The following TLE4 variants were observed in gnomAD, a reference collection of about 807,000 sequenced individuals.
TLE4 encodes the protein transducin-like enhancer protein 4.
Under a neutral mutation model 92.8 loss-of-function variants are expected in TLE4, and 8 were observed. The observed-to-expected ratio is 0.09, with a 90% confidence interval of 0.05 to 0.16. The LOEUF (loss-of-function observed/expected upper bound fraction) is 0.16, where lower values mean the gene tolerates loss of function less well. Among genes scored for constraint, TLE4 ranks in the 10% least tolerant of loss-of-function variants. The probability of loss-of-function intolerance (pLI) is 1.00; values close to 1 mark genes in which losing one functional copy is unlikely to be tolerated. For synonymous variants in TLE4, 371 were observed against 374.1 expected (o/e 0.99, Z 0.10); for missense variants, 675 against 997.6 (o/e 0.68, Z 4.36).
intron 8 of TLE4, among the ~76,000 whole-genome samples, chr9:79,675,703 T>G (rs1448319853): frequency 6.6e-6 from 1 of 152,146 alleles, no homozygotes; most frequent in African/African-American, 2.4e-5. Flanking sequence ...ACTGCCACTG[T>G]GGTTGGTCAT....
rs540095003 is a variant in TLE4, at chr9:79,573,308, C to A, written c.46-381C>A. ...GGGTGGCGGCCGCCTCCCTCCTCCC[C>A]CGGCCTGACCGCAGCCCGACGCCAT... On this transcript the variant is annotated intron_variant, in intron 1 of 19. Transcript: ENST00000376552. The A allele has an allele frequency of 2.8e-4, 290 of 1,042,986 alleles. No individual in the cohort carries two copies. In the African/African-American group the frequency reaches 4.8e-3, roughly 17 times the overall value. 64.6% of individuals were successfully genotyped at this position (1,042,986 alleles called of 1,614,324 possible).
chr9:79,615,415 G>A (rs537882901), intron 5 of TLE4, among the ~76,000 whole-genome samples: 3 of 152,104 alleles, frequency 2.0e-5, no homozygotes, highest in Non-Finnish European at 2.9e-5. Context: ...TTAAATGATC[G>A]TATTTAGGAA....
Position 79,718,866 on chromosome 9 carries a change from C to T in TLE4, c.1485C>T (p.Ile495=), listed in dbSNP as rs752587350. The T allele has an allele frequency of 6.2e-7, 1 of 1,614,126 alleles. No homozygotes were observed. Among genetic ancestry groups the T allele is most frequent in the East Asian group, 2.2e-5 (1 of 44,858 alleles). Residue 495 remains isoleucine (I), a synonymous_variant, in exon 15 of 20, where the codon ATC becomes ATT. Transcript: ENST00000376552. Reference sequence around the variant, plus strand: ...GGGAGGTGGTGTGCGCGGTGACCATCAGCAACCCCACGAGACACGTGTACA... The same window carrying T: ...GGGAGGTGGTGTGCGCGGTGACCATTAGCAACCCCACGAGACACGTGTACA... ...NHGEVVCAVT[I]SNPTRHVYTG...
chr9:79,656,954 ATC>A (rs2059870192), intron 8 of TLE4, among the ~76,000 whole-genome samples: 3 of 151,818 alleles, frequency 2.0e-5, no homozygotes. Flanking sequence ...GGCTTTATTG[ATC>A]TCTTTTTCTA....
At chr9:79,712,556 A>G (rs955395113) in intron 14 of TLE4, among the ~76,000 whole-genome samples, 9 of 152,256 alleles carry the variant, frequency 5.9e-5, no homozygotes, top group African/African-American at 2.2e-4. Context: ...AGAAAGACTT[A>G]TAAAAGTTAT....
rs186341237 is a variant in TLE4 at position 79,591,780 on chromosome 9, T to G, written c.252+15603T>G. ...CATTGATGTCTGCAGAGGGACAGAGTCATGGTACCATTCATTGATAGAAAA... is the reference window on the plus strand; with the variant it reads ...CATTGATGTCTGCAGAGGGACAGAGGCATGGTACCATTCATTGATAGAAAA... On this transcript the variant is annotated intron_variant, in intron 4 of 19. Transcript: ENST00000376552. 6.1e-4 allele frequency among the ~76,000 whole-genome samples: 93 copies of G among 151,828 alleles called. No individual in the cohort carries two copies. The Middle Eastern group carries it at 0.014, about 22-fold the overall frequency.
chr9:79,662,825 ATG>A (rs1330120141), intron 8 of TLE4, among the ~76,000 whole-genome samples: 2 of 152,190 alleles, frequency 1.3e-5, no homozygotes, highest in Non-Finnish European at 2.9e-5. Context: ...TTCCCAGGAA[ATG>A]ATTGTCTCCG....
At chr9:79,716,574 C>T (rs569751916) in intron 14 of TLE4, among the ~76,000 whole-genome samples, 3 of 152,280 alleles carry the variant, frequency 2.0e-5, no homozygotes, top group African/African-American at 4.8e-5. Context: ...CTGGAACATA[C>T]GAGGCATTTA....
At chr9:79,701,066 T>C (rs1433647777) in intron 8 of TLE4, among the ~76,000 whole-genome samples, 1 of 152,176 alleles carries the variant, frequency 6.6e-6, no homozygotes, top group Non-Finnish European at 1.5e-5. Flanking sequence ...TTATCGGTAT[T>C]TATTTAATTC....
At position 79,633,841 on chromosome 9, in the gene TLE4, G is replaced by A. The variant is rs530794072; in HGVS notation, c.390+6393G>A. Among the ~76,000 whole-genome samples, 5 of 152,252 alleles carry A rather than the reference G, an allele frequency of 3.3e-5. No homozygotes were observed. The East Asian group carries it at 7.7e-4, about 24-fold the overall frequency. ...TTGTACCCCTCGAAGCTGAGAGGGA[G>A]GGAAGAAGCATGGGCTATAAGAGAC... On this transcript the variant is annotated intron_variant, in intron 6 of 19. Coordinates refer to ENST00000376552, the MANE Select transcript of TLE4 (RefSeq NM_007005.6).
chr9:79,589,801 G>A (rs531494135), intron 4 of TLE4, among the ~76,000 whole-genome samples: 7 of 152,248 alleles, frequency 4.6e-5, no homozygotes, highest in African/African-American at 1.2e-4. Flanking sequence ...TCAACGTGAC[G>A]TTTCTGGCCT....
At position 79,720,391 on chromosome 9, in the gene TLE4, T is replaced by G. The variant is rs919410911; in HGVS notation, c.1838+98T>G. ...ATATAGGTATGGGTGTGTGTGTGTGTGTGTGTGTGTGTGTGTGTGTGTGTG... is the reference window on the plus strand; with the variant it reads ...ATATAGGTATGGGTGTGTGTGTGTGGGTGTGTGTGTGTGTGTGTGTGTGTG... On this transcript the variant is annotated intron_variant, in intron 16 of 19. Transcript: ENST00000376552. 2,354 of 1,083,504 alleles carry G rather than the reference T, an allele frequency of 2.2e-3. 53 individuals carry two copies. Among genetic ancestry groups the G allele is most frequent in the East Asian group, 5.5e-3 (198 of 35,858 alleles). The allele number at this position is 1,083,504 out of a possible 1,614,324, so 67.1% of individuals were successfully genotyped here.
intron 8 of TLE4, among the ~76,000 whole-genome samples, chr9:79,661,969 A>C (rs1413508726): frequency 6.6e-6 from 1 of 152,166 alleles, no homozygotes; most frequent in African/African-American, 2.4e-5. Flanking sequence ...TTCACTAGAA[A>C]CTGGAGAACA....
chr9:79,651,563 A>C (rs1304032687), intron 6 of TLE4, among the ~76,000 whole-genome samples: 1 of 152,230 alleles, frequency 6.6e-6, no homozygotes, highest in Non-Finnish European at 1.5e-5. Flanking sequence ...CGGCCGCTAG[A>C]GAAGAGTACA....
rs1358803528 is a variant in TLE4, at chr9:79,639,977, TA to T, written c.390+12531del. Among the ~76,000 whole-genome samples the T allele has an allele frequency of 1.3e-5, 2 of 152,168 alleles. 1 individual carries two copies. Among genetic ancestry groups the T allele is most frequent in the South Asian group, 4.1e-4 (2 of 4,832 alleles). On this transcript the variant is annotated intron_variant, in intron 6 of 19. Coordinates refer to ENST00000376552, the MANE Select transcript of TLE4 (RefSeq NM_007005.6). ...GAACACCCAACACTGGGGAACTACT[TA>T]AGTGAACTCAGGTATGGCAGTACAG... is the stretch of plus-strand genomic sequence containing the variant.
intron 4 of TLE4, among the ~76,000 whole-genome samples, chr9:79,606,389 T>TA (rs1255985058): frequency 7.6e-6 from 1 of 131,616 alleles, no homozygotes; most frequent in Non-Finnish European, 1.6e-5. Flanking sequence ...TTTTTTTTTT[T>TA]AAATACTTTT....
At chr9:79,628,687 G>A (rs1681225611) in intron 6 of TLE4, among the ~76,000 whole-genome samples, 1 of 152,138 alleles carries the variant, frequency 6.6e-6, no homozygotes, top group South Asian at 2.1e-4. Flanking sequence ...GGAAACAAGA[G>A]GCTGAATCAG....
At chr9:79,608,153 T>C (rs2047533770) in intron 4 of TLE4, among the ~76,000 whole-genome samples, 1 of 152,112 alleles carries the variant, frequency 6.6e-6, no homozygotes, top group African/African-American at 2.4e-5. Flanking sequence ...TACATGTTAT[T>C]AACACTTTTG....
chr9:79,638,508 C>T (rs2056459738), intron 6 of TLE4, among the ~76,000 whole-genome samples: 1 of 151,334 alleles, frequency 6.6e-6, no homozygotes, highest in East Asian at 1.9e-4. Flanking sequence ...CTTTTTAAGG[C>T]AGCTCTATAG....
Sources: allele counts gnomAD v4.1 joint callset (sites outside exome capture counted in the v4.1 genomes callset), GRCh38; gene constraint gnomAD v4.1.1; transcripts MANE v1.5; gene names NCBI Gene and HGNC (gene_info 2026-07-23, HGNC 2026-07-21).